ANKRD44: variants seen among roughly 807,000 people sequenced by gnomAD.
ANKRD44 encodes serine/threonine-protein phosphatase 6 regulatory ankyrin repeat subunit B.
Under a neutral mutation model 116.0 loss-of-function variants are expected in ANKRD44, and 35 were observed. The ratio of observed to expected loss-of-function variants is 0.30; its 90% CI spans 0.23 to 0.40. The LOEUF is 0.40. Ranked by LOEUF, ANKRD44 falls within the 10% of genes least tolerant of loss-of-function variation. ANKRD44 has a pLI of 1.00. For synonymous variants in ANKRD44, 435 were observed against 461.8 expected, an observed-to-expected ratio of 0.94 and a Z score of 0.74; for missense variants, 1,014 against 1,242.6, an observed-to-expected ratio of 0.82 and a Z score of 2.77.
At chr2:197,045,145 A>T (rs2076979451) in intron 16 of ANKRD44, among the ~76,000 whole-genome samples, 1 of 151,774 alleles carries the variant, frequency 6.6e-6, no homozygotes, top group Non-Finnish European at 1.5e-5. Flanking sequence ...TGGGCTATAC[A>T]AGCTTGTCCT....
intron 16 of ANKRD44, among the ~76,000 whole-genome samples, chr2:197,060,921 C>T (rs1216892633): frequency 1.3e-5 from 2 of 152,124 alleles, no homozygotes; most frequent in Non-Finnish European, 2.9e-5. Flanking sequence ...ACCGCAGTAT[C>T]CATCTATCAA....
chr2:197,290,789 TTTTG>T (rs574819521), intron 1 of ANKRD44, among the ~76,000 whole-genome samples: 124 of 149,144 alleles, frequency 8.3e-4, no homozygotes, highest in African/African-American at 2.6e-3. Context: ...TAATCAGTTT[TTTTG>T]TTTGTTTGTT....
chr2:196,975,401 T>G (rs892255404), intron 21 of ANKRD44, among the ~76,000 whole-genome samples: 1 of 152,170 alleles, frequency 6.6e-6, no homozygotes, highest in Non-Finnish European at 1.5e-5. Context: ...ATCAGAATGA[T>G]AAAAATCTTT....
In ANKRD44 at chr2:197,121,396, G is replaced by A. The variant is rs1221749242; in HGVS notation, c.842C>T (p.Ala281Val). ...NGFTPLHFAA[A>V]STHGALCLEL... is the part of the protein sequence containing the mutation. ...AAGACACAAAGCACCATGAGTGGAG[G>A]CAGCAGCAAAATGCAAAGGGGTGAA... The change falls in exon 8 of 28, where the codon GCC becomes GTC. Residue 281 changes from alanine to valine, a missense_variant. Ala to Val is a moderately conservative substitution (Grantham distance 64). Coordinates refer to ENST00000282272, the MANE Select transcript of ANKRD44 (RefSeq NM_001195144.2). The A allele has an allele frequency of 6.2e-7, 1 of 1,614,084 alleles. No homozygotes were observed. Among genetic ancestry groups the A allele is most frequent in the African/African-American group, 1.3e-5 (1 of 74,920 alleles).
At chr2:197,213,545 A>C (rs1313422765) in intron 1 of ANKRD44, among the ~76,000 whole-genome samples, 1 of 152,200 alleles carries the variant, frequency 6.6e-6, no homozygotes, top group Admixed American at 6.5e-5. Flanking sequence ...AAGCACTGAT[A>C]AATATTTTCT....
intron 17 of ANKRD44, among the ~76,000 whole-genome samples, chr2:197,021,887 T>G (rs2076504807): frequency 6.6e-6 from 1 of 152,248 alleles, no homozygotes; most frequent in Non-Finnish European, 1.5e-5. Flanking sequence ...AATTGGGATC[T>G]CAACAGAATC....
At chr2:197,102,968 G>A (rs558620445) in intron 9 of ANKRD44, among the ~76,000 whole-genome samples, 10 of 152,108 alleles carry the variant, frequency 6.6e-5, no homozygotes, top group South Asian at 6.2e-4. Flanking sequence ...GGTGGCTCAT[G>A]CCTGTAATCC....
At chr2:197,085,516 A>G (rs1676947931) in intron 13 of ANKRD44, among the ~76,000 whole-genome samples, 1 of 152,292 alleles carries the variant, frequency 6.6e-6, no homozygotes, top group Non-Finnish European at 1.5e-5. Flanking sequence ...CTTGCTGATG[A>G]AACAGGTCAC....
chr2:197,013,526 G>A lies in ANKRD44; in HGVS notation c.1909C>T (p.Pro637Ser). Residue 637 changes from proline (P) to serine (S), a missense_variant, in exon 18 of 28, where the codon CCA becomes TCA. Physicochemically the swap from Pro to Ser is moderately conservative, Grantham distance 74. Transcript: ENST00000282272. ...FVKDNVTKRT[P>S]LHASVINGHT... ...CAAGACCTACCTGAGGCATGAAGTGGGGTTCTTTTGGTTACATTGTCTTTC... is the reference window on the plus strand; with the variant it reads ...CAAGACCTACCTGAGGCATGAAGTGAGGTTCTTTTGGTTACATTGTCTTTC... 1 of 1,614,178 alleles carries A rather than the reference G, an allele frequency of 6.2e-7. No individual in the cohort carries two copies. Among genetic ancestry groups the A allele is most frequent in the South Asian group, 1.1e-5 (1 of 91,080 alleles).
chr2:197,068,306 A>G (rs1422359122), intron 16 of ANKRD44, among the ~76,000 whole-genome samples: 5 of 143,470 alleles, frequency 3.5e-5, no homozygotes, highest in African/African-American at 1.3e-4. Context: ...GCACATGTAT[A>G]CATATGTAAC....
intron 3 of ANKRD44, among the ~76,000 whole-genome samples, chr2:197,140,898 A>G (rs1559097330): frequency 6.6e-6 from 1 of 152,118 alleles, no homozygotes; most frequent in Non-Finnish European, 1.5e-5. Flanking sequence ...ATTGTATATC[A>G]ATTATACTTC....
chr2:196,998,962 A>G lies in ANKRD44; in HGVS notation c.2610T>C (p.Asn870=), dbSNP rs1467508087. The G allele has an allele frequency of 1.2e-6, 2 of 1,614,230 alleles. No individual in the cohort carries two copies. Among genetic ancestry groups the G allele is most frequent in the Admixed American group, 3.3e-5 (2 of 60,026 alleles). ...RHSAPVNAVD[N]SGKTALMMAA... ...CCATCATCAGTGCTGTTTTCCCTGA[A>G]TTATCTACTGCGTTCACTGGAGCAC... The change falls in exon 24 of 28, where the codon AAT becomes AAC. Residue 870 remains asparagine, a synonymous_variant. Transcript: ENST00000282272.
chr2:197,095,093 G>A (rs868061064), intron 10 of ANKRD44, among the ~76,000 whole-genome samples: 12 of 152,098 alleles, frequency 7.9e-5, no homozygotes, highest in Non-Finnish European at 1.5e-4. Flanking sequence ...GTGCATCTCC[G>A]AAGTACTGGA....
intron 3 of ANKRD44, among the ~76,000 whole-genome samples, chr2:197,139,654 T>TATAG (rs1559096129): frequency 6.6e-5 from 10 of 151,454 alleles, no homozygotes; most frequent in African/African-American, 2.4e-4. Context: ...TATAGATATA[T>TATAG]ATATAGCAAA....
chr2:197,013,314 A>G (rs1272841703), intron 18 of ANKRD44, among the ~76,000 whole-genome samples, 197 bp downstream of exon 18: 1 of 152,236 alleles, frequency 6.6e-6, no homozygotes, highest in African/African-American at 2.4e-5. Context: ...ACAAGGCCAG[A>G]GCACCTGGCC....
At position 197,009,048 on chromosome 2, in the gene ANKRD44, T is replaced by C. The variant is rs1364114705; in HGVS notation, c.1925-17A>G. Reference sequence around the variant, plus strand: ...CATTAATTACTGAAAAAGAAAACAGTGGACAGTCTTTTAACAGAACAACAC... The same window carrying C: ...CATTAATTACTGAAAAAGAAAACAGCGGACAGTCTTTTAACAGAACAACAC... On this transcript the variant is annotated splice_polypyrimidine_tract_variant and intron_variant, in intron 18 of 27. Coordinates refer to ENST00000282272, the MANE Select transcript of ANKRD44 (RefSeq NM_001195144.2). The C allele has an allele frequency of 6.2e-7, 1 of 1,601,916 alleles. No individual in the cohort carries two copies. The highest frequency in any genetic ancestry group is 2.2e-5 in the East Asian group (1 of 44,832).
intron 21 of ANKRD44, among the ~76,000 whole-genome samples, chr2:196,979,382 CAAAAA>C (rs778459937): frequency 7.4e-5 from 3 of 40,572 alleles, no homozygotes; most frequent in Non-Finnish European, 1.0e-4. Context: ...GACTCCGTCT[CAAAAA>C]AAAAAAAAAA....
intron 21 of ANKRD44, among the ~76,000 whole-genome samples, chr2:197,004,112 C>T (rs964602334): frequency 5.3e-5 from 8 of 151,834 alleles, no homozygotes; most frequent in African/African-American, 1.2e-4. Flanking sequence ...GGGAAAATAT[C>T]CATATAATCT....
intron 27 of ANKRD44, among the ~76,000 whole-genome samples, chr2:196,992,187 G>T (rs2075930859): frequency 6.6e-6 from 1 of 152,160 alleles, no homozygotes; most frequent in South Asian, 2.1e-4. Context: ...TAGGGCACTT[G>T]CTCAGTAATT....
Sources: gnomAD v4.1 joint callset for allele counts (sites outside exome capture counted in the v4.1 genomes callset) on GRCh38, gnomAD v4.1.1 for gene constraint, MANE v1.5 for transcripts, NCBI Gene and HGNC (gene_info 2026-07-23, HGNC 2026-07-21) for gene names.